RAB11B: variants seen among roughly 807,000 people sequenced by gnomAD.
RAB11B encodes ras-related protein Rab-11B.
In RAB11B, 7 loss-of-function variants were observed where a neutral mutation model predicts 23.7. The ratio of observed to expected loss-of-function variants is 0.29; its 90% CI spans 0.17 to 0.55. The LOEUF (loss-of-function observed/expected upper bound fraction) is 0.55, where lower values mean the gene tolerates loss of function less well. Ranked by LOEUF, RAB11B falls within the 20% of genes least tolerant of loss-of-function variation. The probability of loss-of-function intolerance (pLI) is 0.93; values close to 1 mark genes in which losing one functional copy is unlikely to be tolerated. For synonymous variants in RAB11B, 138 were observed against 132.0 expected, an observed-to-expected ratio of 1.05 and a Z score of -0.31; for missense variants, 189 against 320.0, an observed-to-expected ratio of 0.59 and a Z score of 3.12.
chr19:8,402,537 A>G lies in RAB11B; in HGVS notation c.483A>G (p.Val161=). ...IETSALDSTN[V]EEAFKNILTE... The stretch of plus-strand genomic sequence containing the variant: ...CCTCAGCCTTGGATTCCACTAACGT[A>G]GAGGAAGCATTCAAGAACATCCTCA... The change falls in exon 4 of 5, where the codon GTA becomes GTG. Residue 161 remains valine (V), a synonymous_variant. Coordinates refer to ENST00000328024, the MANE Select transcript of RAB11B (RefSeq NM_004218.4). 1 of 1,613,960 alleles carries G rather than the reference A, an allele frequency of 6.2e-7. No individual in the cohort carries two copies. The highest frequency in any genetic ancestry group is 8.5e-7 in the Non-Finnish European group (1 of 1,179,798).
chr19:8,393,634 T>G (rs1971375053), intron 1 of RAB11B, among the ~76,000 whole-genome samples: 1 of 152,212 alleles, frequency 6.6e-6, no homozygotes, highest in Non-Finnish European at 1.5e-5. Context: ...TCCAGTGCCC[T>G]GGCTCTGTAC....
chr19:8,395,302 C>A (rs1971388438), intron 1 of RAB11B, among the ~76,000 whole-genome samples: 1 of 132,654 alleles, frequency 7.5e-6, no homozygotes, highest in African/African-American at 2.9e-5. Flanking sequence ...GAGATGGAGT[C>A]TCGCTGTGTC....
At chr19:8,395,732 C>T (rs2145508576) in intron 1 of RAB11B, among the ~76,000 whole-genome samples, 1 of 152,268 alleles carries the variant, frequency 6.6e-6, no homozygotes, top group South Asian at 2.1e-4. Context: ...AGTTTGCTGG[C>T]CGCCCCAGGG....
chr19:8,400,318 G>GC, intron 2 of RAB11B: 1 of 526,782 alleles, frequency 1.9e-6, no homozygotes. Flanking sequence ...CCTTGCCGCT[G>GC]CCCCTGCCCA....
Position 8,402,241 on chromosome 19 carries a change from T to G in RAB11B, c.392T>G (p.Leu131Arg). ...GGCAACAAGAGTGACCTGCGCCACC[T>G]GCGGGCTGTGCCCACTGACGAGGCC... ...LVGNKSDLRH[L>R]RAVPTDEARA... Residue 131 changes from leucine (L) to arginine (R), a missense_variant, in exon 3 of 5, where the codon CTG becomes CGG. Leu to Arg is a moderately radical substitution (Grantham distance 102). Transcript: ENST00000328024. The G allele has an allele frequency of 6.4e-7, 1 of 1,566,342 alleles. No homozygotes were observed. Among genetic ancestry groups the G allele is most frequent in the Non-Finnish European group, 8.7e-7 (1 of 1,155,948 alleles).
intron 2 of RAB11B, among the ~76,000 whole-genome samples, chr19:8,401,822 C>T (rs188374005): frequency 1.4e-3 from 211 of 152,292 alleles, no homozygotes; most frequent in African/African-American, 4.8e-3. Flanking sequence ...ATGCCCAGCC[C>T]CTTCTTCCCT....
rs1046602053 is a variant in RAB11B, at chr19:8,403,342, A to G, written c.512-71A>G. 9.0e-6 allele frequency: 14 copies of G among 1,554,834 alleles called. No individual in the cohort carries two copies. In the African/African-American group the frequency reaches 1.8e-4, roughly 20 times the overall value. On this transcript the variant is annotated intron_variant, in intron 4 of 4. Transcript: ENST00000328024. ...CTGGAGAGGGCCTCTGGAGTCCTGC[A>G]GGGAGGGGTTCCCCTCGGCAGGCAG...
chr19:8,401,893 C>G (rs1207188484), intron 2 of RAB11B, among the ~76,000 whole-genome samples, 193 bp from the exon 3 acceptor site: 1 of 152,230 alleles, frequency 6.6e-6, no homozygotes, highest in East Asian at 1.9e-4. Flanking sequence ...CTCAGACCCC[C>G]ACATTTCAGA....
At chr19:8,397,154 G>A (rs1328713038) in intron 1 of RAB11B, among the ~76,000 whole-genome samples, 1 of 152,208 alleles carries the variant, frequency 6.6e-6, no homozygotes, top group African/African-American at 2.4e-5. Context: ...GGGTGAGCAG[G>A]CTTAGGGAGT....
chr19:8,390,655 C>T, intron 1 of RAB11B, 199 bp downstream of exon 1: 2 of 505,834 alleles, frequency 4.0e-6, no homozygotes, highest in Non-Finnish European at 6.3e-6. Flanking sequence ...GAGCCGGAGG[C>T]CCGGAGAGAC....
chr19:8,402,025 G>A (rs758107244), intron 2 of RAB11B, 61 bp from the exon 3 acceptor site: 64 of 1,483,856 alleles, frequency 4.3e-5, no homozygotes, highest in Middle Eastern at 1.8e-4. Context: ...CTGTTATCCC[G>A]TGAGGCTGCC....
intron 1 of RAB11B, among the ~76,000 whole-genome samples, chr19:8,393,528 C>G (rs1471976026): frequency 6.6e-6 from 1 of 152,222 alleles, no homozygotes; most frequent in East Asian, 1.9e-4. Context: ...CAGCTCCCAG[C>G]CCTCAAGCCT....
intron 1 of RAB11B, among the ~76,000 whole-genome samples, chr19:8,391,675 GC>G (rs1455100671): frequency 1.3e-5 from 2 of 152,160 alleles, no homozygotes; most frequent in African/African-American, 4.8e-5. Context: ...CTCTATGAGG[GC>G]CTGCGTCGCA....
In RAB11B at chr19:8,397,764, G is replaced by A. The variant is rs560325810; in HGVS notation, c.41-2099G>A. Among the ~76,000 whole-genome samples the A allele has an allele frequency of 2.6e-5, 4 of 152,170 alleles. No homozygotes were observed. In the South Asian group the frequency reaches 6.2e-4, roughly 24 times the overall value. On this transcript the variant is annotated intron_variant, in intron 1 of 4. Coordinates refer to ENST00000328024, the MANE Select transcript of RAB11B (RefSeq NM_004218.4). ...GCTCCCTCAATGTAGCAGGGGTCCC[G>A]AGTGGGGCCAGCGGACCTCTGGGTC...
chr19:8,399,810 G>A (rs1218978218), intron 1 of RAB11B, 53 bp from the exon 2 acceptor site: 1 of 1,578,174 alleles, frequency 6.3e-7, no homozygotes, highest in South Asian at 1.1e-5. Context: ...AAGGTTGTGG[G>A]GGCAGTCGTG....
rs774225875 is a variant in RAB11B, at chr19:8,402,203, C to A, written c.354C>A (p.Val118=). ...ELRDHADSNI[V]IMLVGNKSDL... ...GGGACCACGCAGACAGCAACATCGT[C>A]ATCATGCTGGTGGGCAACAAGAGTG... is the stretch of plus-strand genomic sequence containing the variant. Residue 118 remains valine, a synonymous_variant, in exon 3 of 5, where the codon GTC becomes GTA. Coordinates refer to ENST00000328024, the MANE Select transcript of RAB11B (RefSeq NM_004218.4). The A allele has an allele frequency of 6.9e-6, 11 of 1,586,930 alleles. No homozygotes were observed. Among genetic ancestry groups the A allele is most frequent in the Non-Finnish European group, 9.4e-6 (11 of 1,166,746 alleles).
intron 1 of RAB11B, among the ~76,000 whole-genome samples, chr19:8,398,959 A>ATTT (rs34434022): frequency 2.2e-5 from 3 of 138,712 alleles, no homozygotes; most frequent in African/African-American, 7.8e-5. Flanking sequence ...TATTATTATT[A>ATTT]TTTTTTTTTT....
rs1971456475 is a variant in RAB11B, at chr19:8,403,661, C to A, written c.*103C>A. 1.4e-6 allele frequency: 2 copies of A among 1,478,400 alleles called. No homozygotes were observed. Among genetic ancestry groups the A allele is most frequent in the Middle Eastern group, 2.3e-4 (1 of 4,322 alleles). 91.6% of individuals were successfully genotyped at this position (1,478,400 alleles called of 1,614,324 possible). The stretch of plus-strand genomic sequence containing the variant: ...TCCCTCTGTGGCCGGCTCGTTCCAG[C>A]CCTCCCAGTGAGCTCTGCACGGCCG... On this transcript the variant is annotated 3_prime_UTR_variant, in exon 5 of 5. Coordinates refer to ENST00000328024, the MANE Select transcript of RAB11B (RefSeq NM_004218.4).
At chr19:8,393,767 G>A (rs1050823569) in intron 1 of RAB11B, among the ~76,000 whole-genome samples, 5 of 152,278 alleles carry the variant, frequency 3.3e-5, no homozygotes, top group South Asian at 2.1e-4. Flanking sequence ...AGGCTCTGCC[G>A]GAATGGGGGC....
Sources: gnomAD v4.1 joint callset for allele counts (sites outside exome capture counted in the v4.1 genomes callset) on GRCh38, gnomAD v4.1.1 for gene constraint, MANE v1.5 for transcripts, NCBI Gene and HGNC (gene_info 2026-07-23, HGNC 2026-07-21) for gene names.